Variants in TRPV3 observed in about 807,000 individuals in gnomAD.
TRPV3 encodes the protein VRL-3.
TRPV3 carries 88 observed loss-of-function variants against 87.1 expected under a neutral mutation model. The observed-to-expected ratio is 1.01, with a 90% CI of 0.85 to 1.21. The LOEUF (loss-of-function observed/expected upper bound fraction) is 1.21, where lower values mean the gene tolerates loss of function less well. Among genes scored for constraint, TRPV3 ranks in the 50% most tolerant of loss-of-function variants. The pLI is 0.00. For synonymous variants in TRPV3, 438 were observed against 423.3 expected (o/e 1.03, Z -0.43); for missense variants, 1,054 against 1,030.1 (o/e 1.02, Z -0.32).
intron 11 of TRPV3, among the ~76,000 whole-genome samples, chr17:3,527,290 C>T (rs1377228984): frequency 6.6e-6 from 1 of 152,174 alleles, no homozygotes; most frequent in Non-Finnish European, 1.5e-5. Context: ...ATGACCTTGT[C>T]CTCATCGTCC....
At chr17:3,521,401 C>T (rs1381631935) in intron 13 of TRPV3, among the ~76,000 whole-genome samples, 1 of 152,170 alleles carries the variant, frequency 6.6e-6, no homozygotes, top group Non-Finnish European at 1.5e-5. Flanking sequence ...AGCTTGTGAG[C>T]TGGTTGTTAA....
rs759740119 is a variant in TRPV3 at position 3,518,850 on chromosome 17, G to A, written c.1811C>T (p.Ala604Val). 1 of 1,612,440 alleles carries A rather than the reference G, an allele frequency of 6.2e-7. No homozygotes were observed. The highest frequency in any genetic ancestry group is 8.5e-7 in the Non-Finnish European group (1 of 1,178,982). The change falls in exon 15 of 18, where the codon GCC (alanine) becomes GTC (valine). Residue 604 changes from alanine (A) to valine (V), a missense_variant and splice_region_variant. Physicochemically the swap from Ala to Val is moderately conservative, Grantham distance 64 (BLOSUM62 0). Transcript: ENST00000576742. The surrounding 1 kb of genome is among the most constrained non-coding windows in gnomAD (Gnocchi z 4.3). Reference sequence around the variant, plus strand: ...ACACTTCTCGATCAGCGAGGCCAAGGCTAAGGGAACATAACAGGGTGCTCT... The same window carrying A: ...ACACTTCTCGATCAGCGAGGCCAAGACTAAGGGAACATAACAGGGTGCTCT... ...YIVFLLGFGV[A>V]LASLIEKCPK...
Position 3,532,938 on chromosome 17 carries a change from C to T in TRPV3, c.785-1G>A. 6.2e-7 allele frequency: 1 copy of T among 1,613,604 alleles called. No individual in the cohort carries two copies. The highest frequency in any genetic ancestry group is 8.5e-7 in the Non-Finnish European group (1 of 1,179,818). On this transcript the variant is annotated splice_acceptor_variant, in intron 7 of 17. Coordinates refer to ENST00000576742, the MANE Select transcript of TRPV3 (RefSeq NM_145068.4). LOFTEE classifies it high-confidence loss of function. ...GCTGCCAGGGCCAGGGGCGTCTCAC[C>T]TGGGGGATGAGCGCACTGAAGCTTG...
intron 9 of TRPV3, among the ~76,000 whole-genome samples, chr17:3,529,665 C>T (rs1485560246): frequency 2.6e-5 from 4 of 152,062 alleles, no homozygotes; most frequent in Admixed American, 6.5e-5. Flanking sequence ...TAAGCCTGGC[C>T]GTATACACCA....
chr17:3,529,929 G>C (rs2074333766), intron 9 of TRPV3, 98 bp downstream of exon 9: 2 of 1,389,062 alleles, frequency 1.4e-6, no homozygotes, highest in Admixed American at 2.2e-5. Context: ...CCGAGGGATG[G>C]AGCTGGCAGC....
At chr17:3,542,079 C>T (rs1308770096) in intron 6 of TRPV3, among the ~76,000 whole-genome samples, 1 of 152,164 alleles carries the variant, frequency 6.6e-6, no homozygotes, top group Non-Finnish European at 1.5e-5. Flanking sequence ...GCCTCAGCCT[C>T]CCAAGTAGCT....
chr17:3,519,787 T>C (rs899076943), intron 14 of TRPV3, among the ~76,000 whole-genome samples: 1 of 141,992 alleles, frequency 7.0e-6, no homozygotes, highest in African/African-American at 2.7e-5. Flanking sequence ...GATGGATGGA[T>C]AGCTGGATGG....
In TRPV3 at chr17:3,544,674, G is replaced by T; in HGVS notation, c.225-9C>A. ...CACAGTTACCAGAGATGCTGGAGGT[G>T]TTGGCAGGGGGAACAGAGAGGGTTT... is the stretch of plus-strand genomic sequence containing the variant. On this transcript the variant is annotated splice_polypyrimidine_tract_variant and intron_variant, in intron 3 of 17. Transcript: ENST00000576742. 3 of 1,601,888 alleles carry T rather than the reference G, an allele frequency of 1.9e-6. No homozygotes were observed. The highest frequency in any genetic ancestry group is 8.5e-7 in the Non-Finnish European group (1 of 1,173,268).
intron 13 of TRPV3, among the ~76,000 whole-genome samples, chr17:3,522,788 G>C (rs1468755021): frequency 6.8e-6 from 1 of 147,564 alleles, no homozygotes; most frequent in African/African-American, 2.5e-5. Flanking sequence ...TTGCACTCCA[G>C]CCTGGGCAAC....
rs2074232550 is a variant in TRPV3 at position 3,520,005 on chromosome 17, GAT to G, written c.1810+966_1810+967del. ...GGATGGATGGATGGATGGATGGATGGATGGATGGACGGATAGACAGGTGGATG... is the reference window on the plus strand; with the variant it reads ...GGATGGATGGATGGATGGATGGATGGGGATGGACGGATAGACAGGTGGATG... On this transcript the variant is annotated intron_variant, in intron 14 of 17. Coordinates refer to ENST00000576742, the MANE Select transcript of TRPV3 (RefSeq NM_145068.4). 2.1e-5 allele frequency among the ~76,000 whole-genome samples: 3 copies of G among 143,998 alleles called. No homozygotes were observed. In the East Asian group the frequency reaches 5.8e-4, roughly 28 times the overall value. 94.5% of individuals were successfully genotyped at this position (143,998 alleles called of 152,430 possible).
intron 12 of TRPV3, 67 bp from the exon 13 acceptor site, chr17:3,524,430 T>TC: frequency 2.5e-6 from 4 of 1,586,596 alleles, no homozygotes; most frequent in Non-Finnish European, 3.4e-6. Context: ...GATATGCAAA[T>TC]CCCCCAAACC....
At chr17:3,554,386 C>T (rs1189061385) in intron 2 of TRPV3, 3 of 220,260 alleles carry the variant, frequency 1.4e-5, no homozygotes, top group South Asian at 3.2e-4. Context: ...TCCGGGTCAC[C>T]TGGAACTTCC....
intron 16 of TRPV3, 121 bp downstream of exon 16, chr17:3,516,336 G>C (rs973594733): frequency 1.3e-6 from 1 of 778,624 alleles, no homozygotes; most frequent in Non-Finnish European, 2.2e-6. Context: ...CACTGGAAGA[G>C]ACAGTAGCTG....
At chr17:3,521,220 T>C (rs2074242705) in intron 13 of TRPV3, among the ~76,000 whole-genome samples, 181 bp from the exon 14 acceptor site, 4 of 147,976 alleles carry the variant, frequency 2.7e-5, no homozygotes, top group Non-Finnish European at 5.9e-5. Flanking sequence ...TCCTGCCTCC[T>C]CCAGGAAGCC....
At chr17:3,514,848 C>T (rs760092350) in intron 16 of TRPV3, among the ~76,000 whole-genome samples, 176 bp from the exon 17 acceptor site, 35 of 152,146 alleles carry the variant, frequency 2.3e-4, no homozygotes, top group Non-Finnish European at 4.1e-4. Flanking sequence ...TGAACTCTAT[C>T]CCCATCTCCA....
At position 3,528,861 on chromosome 17, in the gene TRPV3, C is replaced by T. The variant is rs759740177; in HGVS notation, c.1377G>A (p.Ser459=). Residue 459 remains serine (S), a synonymous_variant, in exon 10 of 18, where the codon TCG becomes TCA. Coordinates refer to ENST00000576742, the MANE Select transcript of TRPV3 (RefSeq NM_145068.4). The surrounding 1 kb of genome is among the most constrained non-coding windows in gnomAD (Gnocchi z 4.2). ...CCTCCTCCTCCCGGGGGCGGTAGTA[C>T]GAGACGAGGGTCAGGGTGATGTTGT... is the stretch of plus-strand genomic sequence containing the variant. ...FFYNITLTLV[S]YYRPREEEAI... is the part of the protein sequence containing the mutation. The T allele has an allele frequency of 1.1e-5, 17 of 1,614,048 alleles. No homozygotes were observed. Among genetic ancestry groups the T allele is most frequent in the South Asian group, 7.7e-5 (7 of 91,082 alleles).
chr17:3,523,856 T>C (rs1354069438), intron 13 of TRPV3, among the ~76,000 whole-genome samples: 2 of 151,936 alleles, frequency 1.3e-5, no homozygotes, highest in Non-Finnish European at 2.9e-5. Flanking sequence ...GTATGATAAG[T>C]CTTTTGTGTA....
chr17:3,557,556 C>T lies in TRPV3; in HGVS notation c.-3+120G>A, dbSNP rs2074644570. The T allele has an allele frequency of 6.6e-6, 1 of 152,454 alleles. No homozygotes were observed. The highest frequency in any genetic ancestry group is 2.4e-5 in the African/African-American group (1 of 41,468). The allele number at this position is 152,454 out of a possible 1,614,324, so 9.4% of individuals were successfully genotyped here. ...TGGCTGGGGCCCAAGCTCCTTCCAA[C>T]CCTCCTCCCAAGGCCTATTGGCCAA... On this transcript the variant is annotated intron_variant, in intron 1 of 17. Coordinates refer to ENST00000576742, the MANE Select transcript of TRPV3 (RefSeq NM_145068.4). The surrounding 1 kb of genome is among the most constrained non-coding windows in gnomAD (Gnocchi z 4.5).
At position 3,528,262 on chromosome 17, in the gene TRPV3, G is replaced by A. The variant is rs1373832041; in HGVS notation, c.1402-136C>T. 3.2e-6 allele frequency: 2 copies of A among 631,590 alleles called. No individual in the cohort carries two copies. The highest frequency in any genetic ancestry group is 2.8e-5 in the East Asian group (1 of 35,232). The allele number at this position is 631,590 out of a possible 1,614,324, so 39.1% of individuals were successfully genotyped here. ...AGCATGAAACCTGATCTCTGTACAG[G>A]GCAAGAGAAGGAAGAGCAGCTCCCT... is the stretch of plus-strand genomic sequence containing the variant. On this transcript the variant is annotated intron_variant, in intron 10 of 17. Coordinates refer to ENST00000576742, the MANE Select transcript of TRPV3 (RefSeq NM_145068.4). The surrounding 1 kb of genome is among the most constrained non-coding windows in gnomAD (Gnocchi z 4.2).
Sources: gnomAD v4.1 joint callset for allele counts (sites outside exome capture counted in the v4.1 genomes callset) on GRCh38, gnomAD v4.1.1 for gene constraint, Gnocchi (gnomAD v3.1) non-coding constraint, MANE v1.5 for transcripts, NCBI Gene and HGNC (gene_info 2026-07-23, HGNC 2026-07-21) for gene names.